The following MRTFA variants were observed in gnomAD, a reference collection of about 807,000 sequenced individuals.
MRTFA encodes the protein myocardin-related transcription factor A.
MRTFA carries 20 observed loss-of-function variants against 83.5 expected under a neutral mutation model. The observed-to-expected ratio is 0.24, with a 90% CI of 0.17 to 0.35. The LOEUF (loss-of-function observed/expected upper bound fraction) is 0.35. Among genes scored for constraint, MRTFA ranks in the 10% least tolerant of loss-of-function variants. The pLI is 1.00. For synonymous variants in MRTFA, 659 were observed against 541.2 expected (o/e 1.22, Z -3.02); for missense variants, 1,200 against 1,224.7 (o/e 0.98, Z 0.30).
At chr22:40,603,515 A>G (rs913674878) in intron 1 of MRTFA, among the ~76,000 whole-genome samples, 4 of 152,176 alleles carry the variant, frequency 2.6e-5, no homozygotes, top group African/African-American at 7.2e-5. Context: ...TGCTTTTGAT[A>G]GTGAGTCAGG....
At chr22:40,598,904 C>T (rs5758020) in intron 1 of MRTFA, among the ~76,000 whole-genome samples, 52,024 of 149,856 alleles carry the variant, frequency 0.35, 9,341 homozygotes, top group East Asian at 0.63. Context: ...GGCAGGACAA[C>T]TGCTTGAACC....
At chr22:40,518,227 C>A (rs1401503349) in intron 3 of MRTFA, among the ~76,000 whole-genome samples, 1 of 152,112 alleles carries the variant, frequency 6.6e-6, no homozygotes, top group African/African-American at 2.4e-5. Flanking sequence ...TGATTTGTAG[C>A]CAACTCAGAC....
intron 3 of MRTFA, among the ~76,000 whole-genome samples, chr22:40,475,188 GA>G (rs752718788): frequency 2.9e-4 from 44 of 152,154 alleles, no homozygotes; most frequent in Non-Finnish European, 4.7e-4. Context: ...AGTTCTGTGA[GA>G]ATGAGAACCA....
At chr22:40,635,906 T>C (rs1438503714) in intron 1 of MRTFA, among the ~76,000 whole-genome samples, 1 of 152,084 alleles carries the variant, frequency 6.6e-6, no homozygotes, top group African/African-American at 2.4e-5. Context: ...GTATCAAAGG[T>C]ACCCGAAGCG....
intron 2 of MRTFA, chr22:40,586,775 C>A: frequency 6.1e-6 from 2 of 328,232 alleles, no homozygotes; most frequent in East Asian, 2.0e-4. Context: ...AGCTGCTGCC[C>A]TTTTTCCCAC....
chr22:40,543,377 T>C (rs2055318815), intron 3 of MRTFA, among the ~76,000 whole-genome samples: 2 of 152,194 alleles, frequency 1.3e-5, no homozygotes, highest in African/African-American at 4.8e-5. Flanking sequence ...TTCCACAGGC[T>C]GCACATGTGA....
rs1175018604 is a variant in MRTFA, at chr22:40,536,906, G to A, written c.241+15200C>T. Among the ~76,000 whole-genome samples the A allele has an allele frequency of 2.3e-3, 170 of 75,270 alleles. 2 individuals are homozygous for A. Among genetic ancestry groups the A allele is most frequent in the African/African-American group, 8.2e-3 (161 of 19,664 alleles). The allele number at this position is 75,270 out of a possible 152,430, so 49.4% of individuals were successfully genotyped here. On this transcript the variant is annotated intron_variant, in intron 3 of 14. Transcript: ENST00000355630. ...TGAGAAGTGAGGAGCCCCTCCGCCC[G>A]GCAGCCGCCCCGTCTGAGAAGTGAG...
intron 4 of MRTFA, among the ~76,000 whole-genome samples, chr22:40,437,915 C>G (rs1367384789): frequency 2.0e-5 from 3 of 152,202 alleles, no homozygotes; most frequent in South Asian, 4.1e-4. Flanking sequence ...CCTAGAATAC[C>G]AGGCACACAG....
At chr22:40,605,636 G>A (rs774504953) in intron 1 of MRTFA, among the ~76,000 whole-genome samples, 5 of 152,154 alleles carry the variant, frequency 3.3e-5, no homozygotes, top group Non-Finnish European at 4.4e-5. Flanking sequence ...TGGATTGATC[G>A]AGAATAATTT....
chr22:40,434,536 A>G (rs2053130527), intron 5 of MRTFA, among the ~76,000 whole-genome samples: 1 of 152,176 alleles, frequency 6.6e-6, no homozygotes, highest in Non-Finnish European at 1.5e-5. Flanking sequence ...AGGCTGGCCA[A>G]CATGGTGAAA....
At chr22:40,470,264 TATATATATATATATATAA>T (rs1476630052) in intron 3 of MRTFA, among the ~76,000 whole-genome samples, 3 of 80,596 alleles carry the variant, frequency 3.7e-5, no homozygotes, top group Non-Finnish European at 5.3e-5. Context: ...TATATATATA[TATATATATATATATATAA>T]AGAAACATAA....
chr22:40,598,873 C>T (rs905799003), intron 1 of MRTFA, among the ~76,000 whole-genome samples: 5 of 151,698 alleles, frequency 3.3e-5, no homozygotes, highest in African/African-American at 1.2e-4. Flanking sequence ...CGCCTATAAT[C>T]CCAGCTACTT....
At chr22:40,418,325 C>T (rs755430284) in intron 12 of MRTFA, 49 bp downstream of exon 12, 16 of 1,589,912 alleles carry the variant, frequency 1.0e-5, no homozygotes, top group African/African-American at 6.8e-5. Context: ...GCGAGACGCT[C>T]TTCCCACCCT....
At chr22:40,593,840 C>T (rs1046258872) in intron 2 of MRTFA, among the ~76,000 whole-genome samples, 47 of 152,264 alleles carry the variant, frequency 3.1e-4, no homozygotes, top group African/African-American at 1.1e-3. Context: ...TGGGGAGTTC[C>T]GTTTTGACTG....
chr22:40,483,732 G>A lies in MRTFA; in HGVS notation c.242-20446C>T, dbSNP rs192978728. On this transcript the variant is annotated intron_variant, in intron 3 of 14. Coordinates refer to ENST00000355630, the MANE Select transcript of MRTFA (RefSeq NM_020831.6). ...AAAATAAAAAGATAGGTCTCATTCT[G>A]TCGCCAGGATGGAGTACAGTGGTGC... is the stretch of plus-strand genomic sequence containing the variant. 4.5e-3 allele frequency among the ~76,000 whole-genome samples: 690 copies of A among 151,942 alleles called. 13 individuals carry two copies. Among genetic ancestry groups the A allele is most frequent in the African/African-American group, 0.016 (644 of 41,424 alleles).
intron 3 of MRTFA, among the ~76,000 whole-genome samples, chr22:40,513,439 A>G (rs2054700251): frequency 6.6e-6 from 1 of 151,582 alleles, no homozygotes; most frequent in Non-Finnish European, 1.5e-5. Context: ...CATCTCTACT[A>G]AAAATACAAA....
At chr22:40,547,484 G>C (rs1016258646) in intron 3 of MRTFA, among the ~76,000 whole-genome samples, 2 of 152,108 alleles carry the variant, frequency 1.3e-5, no homozygotes, top group Admixed American at 6.6e-5. Flanking sequence ...CCCTGGGATA[G>C]GAATAGGTTT....
At chr22:40,481,380 C>T (rs17001974) in intron 3 of MRTFA, among the ~76,000 whole-genome samples, 18,297 of 152,084 alleles carry the variant, frequency 0.12, 1,283 homozygotes, top group East Asian at 0.24. Flanking sequence ...GTGATACTTA[C>T]AGGTGATAAA....
intron 3 of MRTFA, chr22:40,526,512 A>G (rs1378702708): frequency 6.6e-6 from 1 of 152,252 alleles, no homozygotes; most frequent in African/African-American, 2.4e-5. Flanking sequence ...AAGGGAGAGA[A>G]GAGAAGCAGA....
Sources: allele counts gnomAD v4.1 joint callset (sites outside exome capture counted in the v4.1 genomes callset), GRCh38; gene constraint gnomAD v4.1.1; transcripts MANE v1.5; gene names NCBI Gene and HGNC (gene_info 2026-07-23, HGNC 2026-07-21).